The following DST variants were observed in gnomAD, a reference collection of about 807,000 sequenced individuals.
The protein encoded by DST is bullous pemphigoid antigen.
In DST, 253 loss-of-function variants were observed where a neutral mutation model predicts 875.2. The ratio of observed to expected loss-of-function variants is 0.29; its 90% CI spans 0.26 to 0.32. The LOEUF is 0.32. Ranked by LOEUF, DST falls within the 10% of genes least tolerant of loss-of-function variation. The probability of loss-of-function intolerance (pLI) is 1.00; values close to 1 mark genes in which losing one functional copy is unlikely to be tolerated. For missense variants in DST, 8,287 were observed against 9,111.6 expected (o/e 0.91, Z 3.68); for synonymous variants, 3,124 against 3,197.1 (o/e 0.98, Z 0.77).
intron 85 of DST, among the ~76,000 whole-genome samples, chr6:56,490,970 G>A (rs1337007933): frequency 6.6e-6 from 1 of 152,138 alleles, no homozygotes; most frequent in East Asian, 1.9e-4. Flanking sequence ...ATGAGCAACT[G>A]GCTACTGATA....
At chr6:56,948,889 T>G (rs189828018) in intron 2 of DST, among the ~76,000 whole-genome samples, 1 of 152,246 alleles carries the variant, frequency 6.6e-6, no homozygotes, top group Non-Finnish European at 1.5e-5. Flanking sequence ...TTGTATGTAG[T>G]AGATACTTGG....
At position 56,603,378 on chromosome 6, in the gene DST, T is replaced by C; in HGVS notation, c.10984A>G (p.Lys3662Glu). The C allele has an allele frequency of 6.2e-7, 1 of 1,610,962 alleles. No homozygotes were observed. Among genetic ancestry groups the C allele is most frequent in the East Asian group, 2.2e-5 (1 of 44,840 alleles). The stretch of plus-strand genomic sequence containing the variant: ...AACTCTTCTGCCAACTTCATATCTT[T>C]TCTTAAAATAACAGCAATTGGAGCT... ...GLAPIAVILR[K>E]DMKLAEEFLK... Residue 3662 changes from lysine (K) to glutamate (E), a missense_variant, in exon 42 of 104, where the codon AAA (lysine) becomes GAA (glutamate). Lys to Glu is a moderately conservative substitution (Grantham distance 56, BLOSUM62 1). Transcript: ENST00000680361.
chr6:56,548,030 G>A (rs918385894), intron 61 of DST, among the ~76,000 whole-genome samples: 7 of 152,174 alleles, frequency 4.6e-5, no homozygotes, highest in Non-Finnish European at 1.5e-5. Flanking sequence ...AGAGTGGCCA[G>A]AAATAAACTG....
rs912093442 is a variant in DST, at chr6:56,884,187, G to A, written c.417+16234C>T. ...CCCACTTTCTCTTTTTTTTATATTC[G>A]GTTTATTCACCCAAATAAGGCATAC... On this transcript the variant is annotated intron_variant, in intron 3 of 103. Coordinates refer to ENST00000680361, the MANE Select transcript of DST (RefSeq NM_001374736.1). Among the ~76,000 whole-genome samples, 54 of 150,300 alleles carry A rather than the reference G, an allele frequency of 3.6e-4. 1 individual carries two copies. Among genetic ancestry groups the A allele is most frequent in the African/African-American group, 7.3e-5 (3 of 41,050 alleles).
intron 4 of DST, among the ~76,000 whole-genome samples, chr6:56,807,436 C>T (rs2099754470): frequency 6.6e-6 from 1 of 152,152 alleles, no homozygotes; most frequent in African/African-American, 2.4e-5. Context: ...AAGGAACAGA[C>T]TAGCCAAAAC....
rs537492025 is a variant in DST, at chr6:56,812,180, T to C, written c.625+39217A>G. ...AGAAAATATTCTATGGCAACTGATA[T>C]AAATCTGACAAAAATTCTTCACAGT... is the stretch of plus-strand genomic sequence containing the variant. On this transcript the variant is annotated intron_variant, in intron 4 of 103. Coordinates refer to ENST00000680361, the MANE Select transcript of DST (RefSeq NM_001374736.1). 3.2e-4 allele frequency among the ~76,000 whole-genome samples: 45 copies of C among 140,840 alleles called. 2 individuals are homozygous for C. In the South Asian group the frequency reaches 0.01, roughly 33 times the overall value. 92.4% of individuals were successfully genotyped at this position (140,840 alleles called of 152,430 possible). A position where few individuals can be genotyped will look rare whatever the true frequency, so the allele number is the denominator to read the frequency against.
rs750649172 is a variant in DST at position 56,615,575 on chromosome 6, AGTT to A, written c.4930-1094_4930-1092del. 159 of 1,614,038 alleles carry A rather than the reference AGTT, an allele frequency of 9.9e-5. No individual in the cohort carries two copies. Among genetic ancestry groups the A allele is most frequent in the Non-Finnish European group, 1.2e-4 (143 of 1,180,028 alleles). On this transcript the variant is annotated intron_variant, in intron 36 of 103. Transcript: ENST00000680361. ...CATCAGGGGCTCAGATACTTCTAAC[AGTT>A]TAAGTCCTGTGTGGAAATCAAAATC...
chr6:56,792,273 T>C (rs2099727084), intron 4 of DST, among the ~76,000 whole-genome samples: 1 of 151,784 alleles, frequency 6.6e-6, no homozygotes, highest in Non-Finnish European at 1.5e-5. Flanking sequence ...AAACAAGAAA[T>C]GATCACCATT....
chr6:56,728,340 C>A (rs1397854813), intron 5 of DST, among the ~76,000 whole-genome samples: 2 of 152,082 alleles, frequency 1.3e-5, no homozygotes, highest in Non-Finnish European at 2.9e-5. Context: ...TAAATAAATT[C>A]TTGTTCTGTA....
chr6:56,619,074 C>T (rs2098660040), intron 36 of DST: 6 of 1,614,042 alleles, frequency 3.7e-6, no homozygotes, highest in African/African-American at 1.3e-5. Flanking sequence ...TGACTTTTCG[C>T]CAGGTCTTCT....
At chr6:56,529,234 A>C (rs1230738330) in intron 66 of DST, among the ~76,000 whole-genome samples, 1 of 152,206 alleles carries the variant, frequency 6.6e-6, no homozygotes, top group Non-Finnish European at 1.5e-5. Context: ...CAACAATAAA[A>C]TAACAAAATG....
intron 4 of DST, among the ~76,000 whole-genome samples, chr6:56,744,234 TGACTCTAAA>T (rs1162470459): frequency 1.3e-5 from 2 of 151,882 alleles, no homozygotes; most frequent in African/African-American, 4.8e-5. Flanking sequence ...CTGAGCTTAA[TGACTCTAAA>T]GAGTGGAGGG....
chr6:56,482,250 G>C, intron 89 of DST, 72 bp from the exon 90 acceptor site: 1 of 1,486,354 alleles, frequency 6.7e-7, no homozygotes, highest in Non-Finnish European at 9.0e-7. Context: ...TTACAAAACT[G>C]TATAGTGGAT....
chr6:56,774,382 C>T lies in DST; in HGVS notation c.626-39093G>A, dbSNP rs1348222015. Among the ~76,000 whole-genome samples the T allele has an allele frequency of 2.6e-5, 4 of 152,122 alleles. No homozygotes were observed. In the East Asian group the frequency reaches 7.7e-4, roughly 29 times the overall value. On this transcript the variant is annotated intron_variant, in intron 4 of 103. Transcript: ENST00000680361. ...CAACTTGCCCCATCCATGCCCTACC[C>T]ATAGCTTAAAACCAAACCAAATATC...
intron 4 of DST, among the ~76,000 whole-genome samples, chr6:56,740,910 T>A (rs2099544539): frequency 6.6e-6 from 1 of 152,016 alleles, no homozygotes; most frequent in Non-Finnish European, 1.5e-5. Flanking sequence ...AAAAAAAAAT[T>A]AATAATATAT....
chr6:56,568,041 C>T (rs2097712078), intron 55 of DST, among the ~76,000 whole-genome samples: 1 of 152,072 alleles, frequency 6.6e-6, no homozygotes, highest in African/African-American at 2.4e-5. Context: ...ACAGAGTGCC[C>T]ACGCTATAGA....
intron 5 of DST, among the ~76,000 whole-genome samples, chr6:56,716,007 C>T (rs1032035054): frequency 6.6e-6 from 1 of 152,156 alleles, no homozygotes; most frequent in Non-Finnish European, 1.5e-5. Flanking sequence ...AATCTGTATG[C>T]CTTTTTCTCC....
Position 56,698,026 on chromosome 6 carries a change from T to C in DST, c.1047+1627A>G, listed in dbSNP as rs117546499. On this transcript the variant is annotated intron_variant, in intron 9 of 103. Transcript: ENST00000680361. Reference sequence around the variant, plus strand: ...CCCTCAGTCCTTTGGGGTCCTGGCTTCCAGTTCTGGTTACTGGCTCTCCCT... The same window carrying C: ...CCCTCAGTCCTTTGGGGTCCTGGCTCCCAGTTCTGGTTACTGGCTCTCCCT... 2.0e-3 allele frequency among the ~76,000 whole-genome samples: 306 copies of C among 152,292 alleles called. 3 individuals carry two copies. Among genetic ancestry groups the C allele is most frequent in the Admixed American group, 0.017 (263 of 15,298 alleles).
intron 3 of DST, chr6:56,863,788 T>C (rs1772557296): frequency 1.3e-5 from 2 of 152,226 alleles, no homozygotes; most frequent in African/African-American, 2.4e-5. Context: ...ATAGAACATA[T>C]GACTATATGT....
Sources: allele counts gnomAD v4.1 joint callset (sites outside exome capture counted in the v4.1 genomes callset), GRCh38; gene constraint gnomAD v4.1.1; transcripts MANE v1.5; gene names NCBI Gene and HGNC (gene_info 2026-07-23, HGNC 2026-07-21).